Variants in FBN3 observed in about 807,000 individuals in gnomAD.
The protein encoded by FBN3 is fibrillin 3, also known as fibrillin-3.
A neutral mutation model predicts 330.1 loss-of-function variants in FBN3; 234 were observed. The ratio of observed to expected loss-of-function variants is 0.71; its 90% confidence interval spans 0.64 to 0.79. The LOEUF (loss-of-function observed/expected upper bound fraction) is 0.79, where lower values mean the gene tolerates loss of function less well. Among genes scored for constraint, FBN3 ranks in the 30% least tolerant of loss-of-function variants. The pLI is 0.00. For synonymous variants in FBN3, 1,458 were observed against 1,517.3 expected (o/e 0.96, Z 0.91); for missense variants, 3,606 against 3,886.9 (o/e 0.93, Z 1.92).
Position 8,066,165 on chromosome 19 carries a change from C to G in FBN3, c.8184G>C (p.Pro2728=), listed in dbSNP as rs752046207. The change falls in exon 64 of 64, where the codon CCG becomes CCC. Residue 2728 remains proline, a synonymous_variant. Coordinates refer to ENST00000600128, the MANE Select transcript of FBN3 (RefSeq NM_032447.5). ...GRAERILELR[P]ALEGLEGRIR... Reference sequence around the variant, plus strand: ...TCCGGCCCTCTAGACCCTCCAGGGCCGGCCGGAGCTCCAGGATGCGCTCGG... The same window carrying G: ...TCCGGCCCTCTAGACCCTCCAGGGCGGGCCGGAGCTCCAGGATGCGCTCGG... 2.5e-6 allele frequency: 4 copies of G among 1,612,740 alleles called. No individual in the cohort carries two copies. In the African/African-American group the frequency reaches 4.0e-5, roughly 16 times the overall value.
chr19:8,066,338 G>C, intron 63 of FBN3, 78 bp from the exon 64 acceptor site: 1 of 1,067,262 alleles, frequency 9.4e-7, no homozygotes, highest in African/African-American at 1.6e-5. Flanking sequence ...CTCGGATTGT[G>C]GCCAAAGAGG....
intron 16 of FBN3, among the ~76,000 whole-genome samples, chr19:8,130,008 A>G (rs1257032410): frequency 6.6e-6 from 1 of 151,324 alleles, no homozygotes; most frequent in East Asian, 2.0e-4. Context: ...AGTGATTCTC[A>G]TGACTCAGCC....
chr19:8,089,864 G>T, intron 50 of FBN3, 30 bp downstream of exon 50: 1 of 1,575,010 alleles, frequency 6.3e-7, no homozygotes, highest in Non-Finnish European at 8.6e-7. Flanking sequence ...GGCCCAGAAG[G>T]GGCTCTTAGC....
chr19:8,093,383 G>A (rs2082140137), intron 47 of FBN3, among the ~76,000 whole-genome samples: 1 of 152,086 alleles, frequency 6.6e-6, no homozygotes, highest in Non-Finnish European at 1.5e-5. Flanking sequence ...CAGCACTTTG[G>A]GAGGCCAAGG....
rs568734068 is a variant in FBN3, at chr19:8,085,034, G to A, written c.7087+329C>T. ...CCCAAAGTGCTGGGATGACAGGTAT[G>A]CTACTGGGAGGCAGAGGTTGCAGTG... On this transcript the variant is annotated intron_variant, in intron 56 of 63. Coordinates refer to ENST00000600128, the MANE Select transcript of FBN3 (RefSeq NM_032447.5). Among the ~76,000 whole-genome samples, 27 of 152,216 alleles carry A rather than the reference G, an allele frequency of 1.8e-4. 1 individual carries two copies. In the South Asian group the frequency reaches 5.6e-3, roughly 32 times the overall value.
At chr19:8,136,735 AGATCCCTCCAACCTGGGCCTG>A (rs2083290018) in intron 10 of FBN3, among the ~76,000 whole-genome samples, 1 of 150,246 alleles carries the variant, frequency 6.7e-6, no homozygotes, top group Non-Finnish European at 1.5e-5. Context: ...CCTGGGACCT[AGATCCCTCCAACCTGGGCCTG>A]GATCCCTCCA....
chr19:8,118,869 A>T, intron 26 of FBN3, 28 bp downstream of exon 26: 1 of 1,594,074 alleles, frequency 6.3e-7, no homozygotes, highest in Non-Finnish European at 8.6e-7. Flanking sequence ...GCTAACACTC[A>T]CACTTGCACA....
chr19:8,138,623 C>A, intron 8 of FBN3, 59 bp from the exon 9 acceptor site: 1 of 1,505,466 alleles, frequency 6.6e-7, no homozygotes. Flanking sequence ...AGACCTGGAT[C>A]CAAATTCCAG....
chr19:8,121,209 C>T lies in FBN3; in HGVS notation c.3211+49G>A. The T allele has an allele frequency of 6.6e-7, 1 of 1,524,770 alleles. No individual in the cohort carries two copies. The allele number at this position is 1,524,770 out of a possible 1,614,324, so 94.5% of individuals were successfully genotyped here. ...GTCCCCACCCTCCCTCTCCTCAATGCCCTCCCTGCCCAGGGCGCCCACCAC... is the reference window on the plus strand; with the variant it reads ...GTCCCCACCCTCCCTCTCCTCAATGTCCTCCCTGCCCAGGGCGCCCACCAC... On this transcript the variant is annotated intron_variant, in intron 25 of 63. Transcript: ENST00000600128. This position sits in a 1 kb window ranked among gnomAD's most constrained non-coding sequence, Gnocchi z 4.5.
chr19:8,116,610 C>A (rs2082710020), intron 29 of FBN3, 64 bp downstream of exon 29: 1 of 1,539,012 alleles, frequency 6.5e-7, no homozygotes. Context: ...TTGTGGAAGA[C>A]CTGGTGTGTG....
intron 13 of FBN3, among the ~76,000 whole-genome samples, chr19:8,133,538 C>T (rs2083202471): frequency 6.6e-6 from 1 of 152,100 alleles, no homozygotes; most frequent in African/African-American, 2.4e-5. Context: ...GCAACCTCCG[C>T]CTCGCGGGTT....
intron 41 of FBN3, 119 bp from the exon 42 acceptor site, chr19:8,097,533 C>T (rs1179534192): frequency 8.7e-7 from 1 of 1,145,788 alleles, no homozygotes; most frequent in Non-Finnish European, 1.2e-6. Context: ...CAAACCAGCA[C>T]ACACTCAAGA....
At chr19:8,089,783 C>T in intron 50 of FBN3, 111 bp downstream of exon 50, 1 of 1,544,646 alleles carries the variant, frequency 6.5e-7, no homozygotes, top group Non-Finnish European at 8.8e-7. Flanking sequence ...CTGGCAGGGT[C>T]CAGGGCCACC....
chr19:8,123,171 C>T (rs570838777), intron 24 of FBN3, among the ~76,000 whole-genome samples: 4 of 151,896 alleles, frequency 2.6e-5, no homozygotes, highest in Non-Finnish European at 4.4e-5. Flanking sequence ...CTGACCAACA[C>T]GGAGAAACAC....
intron 24 of FBN3, among the ~76,000 whole-genome samples, chr19:8,123,259 C>A (rs1170440363): frequency 1.3e-5 from 2 of 151,906 alleles, no homozygotes; most frequent in Non-Finnish European, 2.9e-5. Context: ...GAGGCTGAGG[C>A]AGGAGAGTCG....
rs1161300943 is a variant in FBN3, at chr19:8,096,965, TCTGCTGGCAGGGACTCTCC to T, written c.5310_5328del (p.Glu1771MetfsTer102). On this transcript the variant is annotated frameshift_variant, in exon 43 of 64. Coordinates refer to ENST00000600128, the MANE Select transcript of FBN3 (RefSeq NM_032447.5). LOFTEE classifies it high-confidence loss of function. This position sits in a 1 kb window ranked among gnomAD's most constrained non-coding sequence, Gnocchi z 4.6. ...CCGGGGATGTTGATGCAGTCAGCAT[TCTGCTGGCAGGGACTCTCC>T]CTGCTGCCACACTCATCGACATCTG... is the stretch of plus-strand genomic sequence containing the variant. 1 of 1,613,680 alleles carries T rather than the reference TCTGCTGGCAGGGACTCTCC, an allele frequency of 6.2e-7. No homozygotes were observed. Among genetic ancestry groups the T allele is most frequent in the South Asian group, 1.1e-5 (1 of 91,080 alleles).
At chr19:8,141,003 T>C (rs535144875) in intron 8 of FBN3, among the ~76,000 whole-genome samples, 168 of 151,426 alleles carry the variant, frequency 1.1e-3, no homozygotes, top group African/African-American at 3.4e-3. Flanking sequence ...CCATCCTGGC[T>C]AACACGGTGA....
intron 62 of FBN3, 66 bp downstream of exon 62, chr19:8,072,997 G>A: frequency 1.1e-6 from 1 of 923,504 alleles, no homozygotes; most frequent in Non-Finnish European, 1.7e-6. Context: ...GTGTGTGTGT[G>A]TGTGTGCGTG....
chr19:8,124,033 C>A (rs746287991), intron 22 of FBN3, 25 bp from the exon 23 acceptor site: 1 of 1,585,936 alleles, frequency 6.3e-7, no homozygotes, highest in East Asian at 2.3e-5. Flanking sequence ...GTCACTGCGT[C>A]CCCACCCCTG....
Sources: gnomAD v4.1 joint callset for allele counts (sites outside exome capture counted in the v4.1 genomes callset) on GRCh38, gnomAD v4.1.1 for gene constraint, Gnocchi (gnomAD v3.1) non-coding constraint, MANE v1.5 for transcripts, NCBI Gene and HGNC (gene_info 2026-07-23, HGNC 2026-07-21) for gene names.